The following UBE2F variants were observed in gnomAD, a reference collection of about 807,000 sequenced individuals.
UBE2F encodes ubiquitin conjugating enzyme E2 F (putative).
In UBE2F, 5 loss-of-function variants were observed where a neutral mutation model predicts 29.6. That is an observed-to-expected ratio of 0.17 (90% CI 0.09 to 0.36). UBE2F has a LOEUF of 0.36. Ranked by LOEUF, UBE2F falls within the 10% of genes least tolerant of loss-of-function variation. The probability of loss-of-function intolerance (pLI) is 1.00; values close to 1 mark genes in which losing one functional copy is unlikely to be tolerated. For missense variants in UBE2F, 141 were observed against 228.5 expected, an observed-to-expected ratio of 0.62 and a Z score of 2.47; for synonymous variants, 66 against 81.8, an observed-to-expected ratio of 0.81 and a Z score of 1.04.
chr2:238,016,445 A>C, intron 4 of UBE2F, 121 bp from the exon 5 acceptor site: 2 of 762,462 alleles, frequency 2.6e-6, no homozygotes, highest in Non-Finnish European at 4.2e-6. Context: ...GGAACTCTGC[A>C]GGCCTGTTTT....
intron 4 of UBE2F, among the ~76,000 whole-genome samples, chr2:238,007,033 G>A (rs528111343): frequency 6.6e-6 from 1 of 152,250 alleles, no homozygotes; most frequent in East Asian, 1.9e-4. Context: ...TGGGATTACA[G>A]GCGTGAGCCA....
At chr2:238,027,207 A>G (rs1021691225) in intron 6 of UBE2F, among the ~76,000 whole-genome samples, 3 of 152,274 alleles carry the variant, frequency 2.0e-5, no homozygotes, top group Admixed American at 6.5e-5. Context: ...AGATTTGACC[A>G]TGTAAAAATT....
At chr2:237,984,337 A>G (rs2106338242) in intron 2 of UBE2F, among the ~76,000 whole-genome samples, 1 of 152,202 alleles carries the variant, frequency 6.6e-6, no homozygotes, top group East Asian at 1.9e-4. Flanking sequence ...CTGTTCAGAA[A>G]TCTCCAATGG....
chr2:237,967,059 C>A lies in UBE2F; in HGVS notation c.-90C>A. On this transcript the variant is annotated 5_prime_UTR_variant, in exon 1 of 10. Transcript: ENST00000272930. This position sits in a 1 kb window ranked among gnomAD's most constrained non-coding sequence, Gnocchi z 6.3. ...GAGCCGGTGCGGCTGTGAGGGGCCG[C>A]GTCTCGCAGCAGCCGCCCGGACCGG... 1.5e-6 allele frequency: 2 copies of A among 1,318,612 alleles called. No homozygotes were observed. The highest frequency in any genetic ancestry group is 1.9e-5 in the South Asian group (1 of 51,462). 81.7% of individuals were successfully genotyped at this position (1,318,612 alleles called of 1,614,324 possible).
At chr2:238,015,680 A>C (rs960596230) in intron 4 of UBE2F, among the ~76,000 whole-genome samples, 1 of 152,210 alleles carries the variant, frequency 6.6e-6, no homozygotes, top group African/African-American at 2.4e-5. Context: ...GATAAGATTT[A>C]ATATTACTGG....
intron 4 of UBE2F, among the ~76,000 whole-genome samples, chr2:238,016,126 C>T (rs1359962622): frequency 2.0e-5 from 3 of 152,188 alleles, no homozygotes; most frequent in African/African-American, 7.2e-5. Flanking sequence ...AGGTTGGGTG[C>T]TCAGTAAGGG....
intron 5 of UBE2F, among the ~76,000 whole-genome samples, chr2:238,022,950 C>T (rs1487502233): frequency 6.6e-6 from 1 of 152,154 alleles, no homozygotes; most frequent in Non-Finnish European, 1.5e-5. Context: ...GGACCGTTGA[C>T]AAAAGGAGGT....
intron 1 of UBE2F, 110 bp from the exon 2 acceptor site, chr2:237,972,982 C>T: frequency 7.7e-7 from 1 of 1,293,142 alleles, no homozygotes; most frequent in Middle Eastern, 2.0e-4. Context: ...TTTTCCATAA[C>T]TAAATTGTGG....
intron 2 of UBE2F, among the ~76,000 whole-genome samples, chr2:237,984,932 A>C (rs556953081): frequency 2.0e-5 from 3 of 149,824 alleles, no homozygotes; most frequent in African/African-American, 4.9e-5. Context: ...GGCATGCACC[A>C]CCACGCCTGA....
rs371215816 is a variant in UBE2F at position 237,987,949 on chromosome 2, C to A, written c.119-14C>A. ...AATTGACTAATATTAATAATAATTT[C>A]TTTGTTTCTACAGAGGTTGCAGAAC... On this transcript the variant is annotated splice_polypyrimidine_tract_variant and intron_variant, in intron 2 of 9. Coordinates refer to ENST00000272930, the MANE Select transcript of UBE2F (RefSeq NM_080678.3). The A allele has an allele frequency of 3.2e-5, 46 of 1,425,720 alleles. No homozygotes were observed. In the African/African-American group the frequency reaches 6.0e-4, roughly 19 times the overall value. The allele number at this position is 1,425,720 out of a possible 1,614,324, so 88.3% of individuals were successfully genotyped here. A position where few individuals can be genotyped will look rare whatever the true frequency, so the allele number is the denominator to read the frequency against.
intron 4 of UBE2F, among the ~76,000 whole-genome samples, chr2:238,014,976 G>T (rs373014991): frequency 6.6e-6 from 1 of 152,232 alleles, no homozygotes; most frequent in African/African-American, 2.4e-5. Context: ...TCTCAAGTAA[G>T]TGGAGGAAGG....
intron 4 of UBE2F, chr2:238,003,563 T>C (rs1355166848): frequency 3.3e-6 from 1 of 299,846 alleles, no homozygotes; most frequent in African/African-American, 2.1e-5. Context: ...AAACCATTCA[T>C]TTCCATGGGC....
intron 3 of UBE2F, among the ~76,000 whole-genome samples, chr2:237,991,897 G>A (rs1213683116): frequency 2.7e-5 from 4 of 147,718 alleles, no homozygotes; most frequent in Middle Eastern, 3.5e-3. Context: ...ACAGAGTCAC[G>A]TTCTTTCACC....
chr2:238,033,448 G>T (rs956032815), intron 8 of UBE2F, among the ~76,000 whole-genome samples: 2 of 152,140 alleles, frequency 1.3e-5, no homozygotes, highest in Admixed American at 6.5e-5. Context: ...CTATGATCTT[G>T]GATGGTCCAC....
intron 2 of UBE2F, among the ~76,000 whole-genome samples, chr2:237,984,590 C>T (rs943556783): frequency 6.6e-6 from 1 of 152,240 alleles, no homozygotes; most frequent in Non-Finnish European, 1.5e-5. Context: ...TCAGTCCCCA[C>T]AGCTGGAGAG....
chr2:238,007,086 C>G (rs188785078), intron 4 of UBE2F, among the ~76,000 whole-genome samples: 1 of 149,830 alleles, frequency 6.7e-6, no homozygotes, highest in African/African-American at 2.5e-5. Flanking sequence ...GGGTTGCTGT[C>G]AGTCTTTCAT....
At chr2:238,006,863 C>T (rs2063919929) in intron 4 of UBE2F, among the ~76,000 whole-genome samples, 1 of 150,854 alleles carries the variant, frequency 6.6e-6, no homozygotes, top group African/African-American at 2.5e-5. Flanking sequence ...TCAAGCAATT[C>T]TCTTGCCTCA....
At chr2:237,998,271 C>T (rs997751406) in intron 4 of UBE2F, among the ~76,000 whole-genome samples, 3 of 152,160 alleles carry the variant, frequency 2.0e-5, no homozygotes, top group Non-Finnish European at 4.4e-5. Context: ...ACATTTCCAT[C>T]ATTCCCAAAG....
At chr2:237,994,374 G>A (rs1010873653) in intron 3 of UBE2F, among the ~76,000 whole-genome samples, 2 of 152,004 alleles carry the variant, frequency 1.3e-5, no homozygotes, top group South Asian at 2.1e-4. Context: ...TGGTTTTTTC[G>A]TGTTTAGTTA....
Sources: allele counts gnomAD v4.1 joint callset (sites outside exome capture counted in the v4.1 genomes callset), GRCh38; gene constraint gnomAD v4.1.1; non-coding constraint Gnocchi (gnomAD v3.1); transcripts MANE v1.5; gene names NCBI Gene and HGNC (gene_info 2026-07-23, HGNC 2026-07-21).